MED12L: variants seen among roughly 807,000 people sequenced by gnomAD.
The protein encoded by MED12L is mediator of RNA polymerase II transcription subunit 12-like protein.
In MED12L, 60 loss-of-function variants were observed where a neutral mutation model predicts 281.3. The observed-to-expected ratio is 0.21, with a 90% CI of 0.17 to 0.26. The LOEUF is 0.26. MED12L is among the 10% of genes least tolerant of loss of function. MED12L has a pLI of 1.00. For missense variants in MED12L, 2,146 were observed against 2,680.9 expected (o/e 0.80, Z 4.41); for synonymous variants, 974 against 987.2 (o/e 0.99, Z 0.25).
intron 16 of MED12L, among the ~76,000 whole-genome samples, chr3:151,260,023 G>T (rs1288308343): frequency 6.6e-6 from 1 of 151,962 alleles, no homozygotes. Context: ...GGGAGCTCGG[G>T]TTATTTTGTA....
intron 19 of MED12L, among the ~76,000 whole-genome samples, chr3:151,356,354 T>G (rs1010637691): frequency 7.9e-5 from 12 of 151,972 alleles, no homozygotes; most frequent in African/African-American, 1.9e-4. Flanking sequence ...ATCATACAAC[T>G]GCACTCAAGC....
intron 16 of MED12L, among the ~76,000 whole-genome samples, chr3:151,321,153 T>A (rs1175218448): frequency 2.0e-5 from 3 of 152,210 alleles, no homozygotes; most frequent in Admixed American, 6.5e-5. Context: ...ATAATTTTGG[T>A]TGCTTTTAGA....
At chr3:151,229,359 G>A (rs1441460691) in intron 16 of MED12L, among the ~76,000 whole-genome samples, 1 of 149,378 alleles carries the variant, frequency 6.7e-6, no homozygotes, top group East Asian at 2.0e-4. Context: ...TCAGGCTGGA[G>A]GGCAGTTTCG....
intron 16 of MED12L, among the ~76,000 whole-genome samples, chr3:151,307,430 T>C (rs1008676336): frequency 1.3e-5 from 2 of 152,158 alleles, no homozygotes; most frequent in Non-Finnish European, 2.9e-5. Flanking sequence ...TACACTGATG[T>C]TCTGTTCTCA....
At chr3:151,260,916 C>T (rs770697577) in intron 16 of MED12L, among the ~76,000 whole-genome samples, 17 of 152,090 alleles carry the variant, frequency 1.1e-4, no homozygotes, top group Non-Finnish European at 1.9e-4. Flanking sequence ...GGCGTCACAT[C>T]CATTTTTCTG....
At chr3:151,299,401 C>CTTTTCTTTTCT (rs1559999722) in intron 16 of MED12L, among the ~76,000 whole-genome samples, 2 of 7,232 alleles carry the variant, frequency 2.8e-4, no homozygotes, top group Non-Finnish European at 3.9e-4. Context: ...TTTTCTTTTC[C>CTTTTCTTTTCT]CCTCCCCTCC....
intron 16 of MED12L, among the ~76,000 whole-genome samples, chr3:151,306,682 ACT>A (rs1399327308): frequency 5.9e-5 from 9 of 151,878 alleles, no homozygotes; most frequent in African/African-American, 1.9e-4. Flanking sequence ...GCCGGGGGAA[ACT>A]CTGTCAGCAG....
intron 43 of MED12L, among the ~76,000 whole-genome samples, chr3:151,417,487 C>CTTT (rs56128844): frequency 7.6e-4 from 60 of 78,814 alleles, no homozygotes; most frequent in Admixed American, 1.5e-3. Flanking sequence ...CCCCCCCCGC[C>CTTT]TTTTTTTTTT....
chr3:151,392,302 A>G (rs1714344497), intron 38 of MED12L, among the ~76,000 whole-genome samples: 1 of 151,776 alleles, frequency 6.6e-6, no homozygotes, highest in South Asian at 2.1e-4. Context: ...CGTATCTACT[A>G]AAAATACAAA....
At chr3:151,094,189 G>A (rs1293024990) in intron 2 of MED12L, among the ~76,000 whole-genome samples, 1 of 152,200 alleles carries the variant, frequency 6.6e-6, no homozygotes, top group Non-Finnish European at 1.5e-5. Context: ...AGAAGTAGAA[G>A]CATAGAGTAA....
chr3:151,208,282 T>G (rs996208016), intron 16 of MED12L, among the ~76,000 whole-genome samples: 1 of 152,200 alleles, frequency 6.6e-6, no homozygotes, highest in African/African-American at 2.4e-5. Flanking sequence ...GCAGTCAATA[T>G]GATATCAGAG....
intron 5 of MED12L, among the ~76,000 whole-genome samples, chr3:151,139,690 C>G (rs1716655025): frequency 1.3e-5 from 2 of 152,150 alleles, no homozygotes; most frequent in Non-Finnish European, 1.5e-5. Context: ...TGTTCATCAT[C>G]TTCCATGTAG....
intron 16 of MED12L, among the ~76,000 whole-genome samples, chr3:151,245,790 A>G (rs1735309498): frequency 7.0e-6 from 1 of 143,674 alleles, no homozygotes; most frequent in South Asian, 2.3e-4. Flanking sequence ...CAGGAGAAGG[A>G]AATAAAGGGT....
At chr3:151,087,531 A>G (rs181121113) in intron 2 of MED12L, among the ~76,000 whole-genome samples, 5 of 152,356 alleles carry the variant, frequency 3.3e-5, no homozygotes, top group Admixed American at 3.3e-4. Flanking sequence ...ATAAATATTT[A>G]GCTCTCTGAA....
chr3:151,133,041 ATCAT>A (rs906148165), intron 5 of MED12L, among the ~76,000 whole-genome samples: 45 of 152,340 alleles, frequency 3.0e-4, no homozygotes, highest in African/African-American at 9.9e-4. Context: ...AGCAAAAAGA[ATCAT>A]TCAGCACGTT....
At chr3:151,201,492 C>G (rs1164266702) in intron 16 of MED12L, among the ~76,000 whole-genome samples, 1 of 152,200 alleles carries the variant, frequency 6.6e-6, no homozygotes, top group Non-Finnish European at 1.5e-5. Flanking sequence ...AGCCTGTAGT[C>G]TAATCCCCAA....
chr3:151,175,181 C>T (rs929057314), intron 11 of MED12L, among the ~76,000 whole-genome samples: 8 of 152,148 alleles, frequency 5.3e-5, no homozygotes, highest in African/African-American at 1.9e-4. Context: ...GCAGTTCATC[C>T]AGCTCCTCAC....
Position 151,293,677 on chromosome 3 carries a change from A to ACACAC in MED12L, c.2251-56381_2251-56380insACACC, listed in dbSNP as rs200041934. Among the ~76,000 whole-genome samples, 58 of 121,350 alleles carry ACACAC rather than the reference A, an allele frequency of 4.8e-4. 2 individuals carry two copies. Among genetic ancestry groups the ACACAC allele is most frequent in the African/African-American group, 1.9e-3 (51 of 26,320 alleles). The allele number at this position is 121,350 out of a possible 152,430, so 79.6% of individuals were successfully genotyped here. On this transcript the variant is annotated intron_variant, in intron 16 of 44. Coordinates refer to ENST00000687756, the MANE Select transcript of MED12L (RefSeq NM_001393769.1). The stretch of plus-strand genomic sequence containing the variant: ...CACACACACACACACACACACACAC[A>ACACAC]CCCTCTACCTTCATTTCTATAGTGT...
chr3:151,163,127 A>G (rs1191866229), intron 8 of MED12L, among the ~76,000 whole-genome samples: 4 of 152,176 alleles, frequency 2.6e-5, no homozygotes, highest in African/African-American at 9.7e-5. Context: ...TACGCGGCTC[A>G]TAGTCCTCTT....
Sources: allele counts gnomAD v4.1 joint callset (sites outside exome capture counted in the v4.1 genomes callset), GRCh38; gene constraint gnomAD v4.1.1; transcripts MANE v1.5; gene names NCBI Gene and HGNC (gene_info 2026-07-23, HGNC 2026-07-21).